The following GLYATL3 variants were observed in gnomAD, a reference collection of about 807,000 sequenced individuals.
GLYATL3 encodes glycine-N-acyltransferase like 3, also known as glycine N-acyltransferase-like protein 3.
GLYATL3 carries 31 observed loss-of-function variants against 28.5 expected under a neutral mutation model. That is an observed-to-expected ratio of 1.09 (90% confidence interval 0.82 to 1.47). The LOEUF (loss-of-function observed/expected upper bound fraction) is 1.47, where lower values mean the gene tolerates loss of function less well. Ranked by LOEUF, GLYATL3 falls within the 40% of genes most tolerant of loss-of-function variation. GLYATL3 has a pLI of 0.00. For missense variants in GLYATL3, 369 were observed against 351.5 expected, an observed-to-expected ratio of 1.05 and a Z score of -0.40; for synonymous variants, 141 against 140.2, an observed-to-expected ratio of 1.01 and a Z score of -0.04.
intron 5 of GLYATL3, among the ~76,000 whole-genome samples, chr6:49,525,960 T>A (rs1769403438): frequency 1.3e-5 from 2 of 152,128 alleles, no homozygotes; most frequent in South Asian, 4.1e-4. Flanking sequence ...CAAGTGAACA[T>A]AAAATTAGAA....
chr6:49,523,174 G>A (rs1178798910), intron 5 of GLYATL3, among the ~76,000 whole-genome samples: 1 of 152,166 alleles, frequency 6.6e-6, no homozygotes, highest in Non-Finnish European at 1.5e-5. Flanking sequence ...GTAAAGTCCA[G>A]AGGAAGCCAG....
intron 5 of GLYATL3, among the ~76,000 whole-genome samples, chr6:49,524,750 G>A (rs1017014244): frequency 2.6e-5 from 4 of 151,914 alleles, no homozygotes; most frequent in South Asian, 2.1e-4. Context: ...TTGCCGAGGC[G>A]GGTAGATCAC....
intron 1 of GLYATL3, among the ~76,000 whole-genome samples, chr6:49,509,423 A>G (rs1769073455): frequency 6.6e-6 from 1 of 152,182 alleles, no homozygotes; most frequent in Admixed American, 6.5e-5. Flanking sequence ...AACTTACCTA[A>G]CACGTGTATT....
rs1327978149 is a variant in GLYATL3, at chr6:49,527,710, C to T, written c.*796C>T. ...ACTTTACCTATAACCTATTTCAGCC[C>T]CCTTATTTATAGTCTACTTTCCCAT... is the stretch of plus-strand genomic sequence containing the variant. On this transcript the variant is annotated 3_prime_UTR_variant, in exon 6 of 6. Transcript: ENST00000371197. Among the ~76,000 whole-genome samples, 3 of 151,978 alleles carry T rather than the reference C, an allele frequency of 2.0e-5. No individual in the cohort carries two copies. Among genetic ancestry groups the T allele is most frequent in the Non-Finnish European group, 4.4e-5 (3 of 68,018 alleles).
At position 49,511,283 on chromosome 6, in the gene GLYATL3, CTT is replaced by C. The variant is rs1165921479; in HGVS notation, c.-28-678_-28-677del. On this transcript the variant is annotated intron_variant, in intron 1 of 5. Coordinates refer to ENST00000371197, the MANE Select transcript of GLYATL3 (RefSeq NM_001010904.2). ...AATCTAATTGCATGAGAACAGATGA[CTT>C]TGCATACATTACATTTAGGCCCTTC... Among the ~76,000 whole-genome samples, 7 of 152,280 alleles carry C rather than the reference CTT, an allele frequency of 4.6e-5. No individual in the cohort carries two copies. In the East Asian group the frequency reaches 1.4e-3, roughly 29 times the overall value.
At chr6:49,516,190 G>A (rs747141172) in intron 3 of GLYATL3, among the ~76,000 whole-genome samples, 10 of 151,940 alleles carry the variant, frequency 6.6e-5, no homozygotes, top group Non-Finnish European at 1.2e-4. Flanking sequence ...CAGGTGATCC[G>A]TCTACCTCGG....
intron 5 of GLYATL3, among the ~76,000 whole-genome samples, chr6:49,523,347 C>T (rs994395865): frequency 2.0e-5 from 3 of 152,176 alleles, no homozygotes; most frequent in Admixed American, 1.3e-4. Flanking sequence ...CATGAGCCAC[C>T]GTGCTCTGCT....
chr6:49,526,537 C>T lies in GLYATL3; in HGVS notation c.490C>T (p.Leu164=). 1 of 1,551,762 alleles carries T rather than the reference C, an allele frequency of 6.4e-7. No homozygotes were observed. The highest frequency in any genetic ancestry group is 1.2e-5 in the South Asian group (1 of 84,060). Residue 164 remains leucine, a synonymous_variant, in exon 6 of 6, where the codon CTA becomes TTA. Coordinates refer to ENST00000371197, the MANE Select transcript of GLYATL3 (RefSeq NM_001010904.2). ...CTACCTGAGTGTTGCCAATGCGGAT[C>T]TACTCAACCGGACTTGGTCCCGGGG... ...LTYLSVANAD[L]LNRTWSRGGN...
At chr6:49,513,677 T>C (rs968895605) in intron 2 of GLYATL3, among the ~76,000 whole-genome samples, 1 of 152,204 alleles carries the variant, frequency 6.6e-6, no homozygotes, top group African/African-American at 2.4e-5. Context: ...GGGTGATCCA[T>C]GTTACACAAT....
At chr6:49,516,011 T>C (rs998714163) in intron 3 of GLYATL3, among the ~76,000 whole-genome samples, 4 of 145,760 alleles carry the variant, frequency 2.7e-5, no homozygotes, top group Admixed American at 6.8e-5. Flanking sequence ...CTCAGCTCAT[T>C]GTAATCTCCA....
chr6:49,527,192 A>C lies in GLYATL3; in HGVS notation c.*278A>C, dbSNP rs536314868. 2.6e-6 allele frequency: 1 copy of C among 380,848 alleles called. No individual in the cohort carries two copies. Among genetic ancestry groups the C allele is most frequent in the African/African-American group, 2.0e-5 (1 of 49,442 alleles). The allele number at this position is 380,848 out of a possible 1,614,324, so 23.6% of individuals were successfully genotyped here. On this transcript the variant is annotated 3_prime_UTR_variant, in exon 6 of 6. Coordinates refer to ENST00000371197, the MANE Select transcript of GLYATL3 (RefSeq NM_001010904.2). The stretch of plus-strand genomic sequence containing the variant: ...TAGGAGAATAGGTTCTAAAGCCAGC[A>C]GTTTTAGTGTACTAGGAGAAATTAC...
In GLYATL3 at chr6:49,526,740, C is replaced by T. The variant is rs540566539; in HGVS notation, c.693C>T (p.Ala231=). 8.2e-5 allele frequency: 127 copies of T among 1,551,698 alleles called. No homozygotes were observed. In the Admixed American group the frequency reaches 9.0e-4, roughly 11 times the overall value. The change falls in exon 6 of 6, where the codon GCC becomes GCT. Residue 231 remains alanine, a synonymous_variant. Coordinates refer to ENST00000371197, the MANE Select transcript of GLYATL3 (RefSeq NM_001010904.2). ...HRRKGYSRLV[A]LTLARKLQSR... is the part of the protein sequence containing the mutation. ...GGAAAGGTTACAGCCGGCTGGTGGC[C>T]CTCACGCTGGCCAGGAAGTTGCAAA...
intron 4 of GLYATL3, among the ~76,000 whole-genome samples, chr6:49,521,350 A>C (rs1255411864): frequency 1.3e-5 from 2 of 152,166 alleles, no homozygotes; most frequent in African/African-American, 4.8e-5. Flanking sequence ...CCAAAGTATC[A>C]ATATTCTCCC....
chr6:49,517,343 T>C (rs1769234552), intron 3 of GLYATL3, 87 bp from the exon 4 acceptor site: 2 of 1,175,814 alleles, frequency 1.7e-6, no homozygotes, highest in East Asian at 2.9e-5. Flanking sequence ...TAGCTAGACA[T>C]GTCCAGCTAA....
chr6:49,517,468 T>C lies in GLYATL3; in HGVS notation c.225T>C (p.Tyr75=). 6.5e-7 allele frequency: 1 copy of C among 1,549,466 alleles called. No homozygotes were observed. Among genetic ancestry groups the C allele is most frequent in the Non-Finnish European group, 8.7e-7 (1 of 1,145,368 alleles). Residue 75 remains tyrosine (Y), a synonymous_variant, in exon 4 of 6, where the codon TAT becomes TAC. Coordinates refer to ENST00000371197, the MANE Select transcript of GLYATL3 (RefSeq NM_001010904.2). ...TDNLDHYTNA[Y]AVFYKDVRAY... Reference sequence around the variant, plus strand: ...ACCTTGATCATTATACTAATGCCTATGCTGTGTTCTACAAGGATGTCAGGG... The same window carrying C: ...ACCTTGATCATTATACTAATGCCTACGCTGTGTTCTACAAGGATGTCAGGG...
chr6:49,515,543 T>C (rs2127432745), intron 2 of GLYATL3, 110 bp from the exon 3 acceptor site: 1 of 624,656 alleles, frequency 1.6e-6, no homozygotes, highest in Middle Eastern at 2.5e-4. Flanking sequence ...ATATTTATAA[T>C]TTCCCCTCTT....
chr6:49,508,334 A>G (rs887981933), intron 1 of GLYATL3, among the ~76,000 whole-genome samples: 2 of 152,194 alleles, frequency 1.3e-5, no homozygotes, highest in Non-Finnish European at 2.9e-5. Context: ...AACAAAAACC[A>G]GAAACACAGT....
intron 5 of GLYATL3, 75 bp downstream of exon 5, chr6:49,521,846 T>C: frequency 7.8e-7 from 1 of 1,289,636 alleles, no homozygotes; most frequent in South Asian, 1.4e-5. Flanking sequence ...ACTGGGGTAC[T>C]TAGTATCACT....
intron 5 of GLYATL3, among the ~76,000 whole-genome samples, chr6:49,523,790 A>C (rs1313735586): frequency 6.6e-6 from 1 of 152,162 alleles, no homozygotes; most frequent in Non-Finnish European, 1.5e-5. Context: ...AATACATCTG[A>C]AGTTTCCTTT....
Sources: gnomAD v4.1 joint callset for allele counts (sites outside exome capture counted in the v4.1 genomes callset) on GRCh38, gnomAD v4.1.1 for gene constraint, MANE v1.5 for transcripts, NCBI Gene and HGNC (gene_info 2026-07-23, HGNC 2026-07-21) for gene names.